The following PRKCB variants were observed in gnomAD, a reference collection of about 807,000 sequenced individuals.
PRKCB encodes protein kinase C beta, also known as protein kinase C beta type.
A neutral mutation model predicts 81.5 loss-of-function variants in PRKCB; 13 were observed. The observed-to-expected ratio is 0.16, with a 90% CI of 0.10 to 0.25. PRKCB has a LOEUF of 0.25. Among genes scored for constraint, PRKCB ranks in the 10% least tolerant of loss-of-function variants. The pLI, the probability that PRKCB is intolerant of heterozygous loss-of-function variation, is 1.00. For missense variants in PRKCB, 509 were observed against 875.7 expected, an observed-to-expected ratio of 0.58 and a Z score of 5.29; for synonymous variants, 335 against 321.4, an observed-to-expected ratio of 1.04 and a Z score of -0.45.
chr16:24,041,382 C>T lies in PRKCB; in HGVS notation c.529+5835C>T, dbSNP rs72779952. 3.0e-3 allele frequency among the ~76,000 whole-genome samples: 460 copies of T among 152,182 alleles called. 1 individual carries two copies. The highest frequency in any genetic ancestry group is 5.3e-3 in the Non-Finnish European group (358 of 67,998). On this transcript the variant is annotated intron_variant, in intron 5 of 16. Coordinates refer to ENST00000643927, the MANE Select transcript of PRKCB (RefSeq NM_002738.7). The stretch of plus-strand genomic sequence containing the variant: ...TATCTTATTCAATGCTTTTTCAATT[C>T]AGTATCTACCTATCAACATAACAAC...
chr16:24,164,915 G>T (rs1967319728), intron 10 of PRKCB, among the ~76,000 whole-genome samples: 1 of 152,212 alleles, frequency 6.6e-6, no homozygotes, highest in South Asian at 2.1e-4. Flanking sequence ...ATTTAAGGGT[G>T]CTATGGAGGG....
intron 3 of PRKCB, among the ~76,000 whole-genome samples, chr16:24,001,222 C>T (rs1965030329): frequency 1.3e-5 from 2 of 152,162 alleles, no homozygotes; most frequent in South Asian, 4.1e-4. Flanking sequence ...TACAAAAGGA[C>T]TCTTTGTCTG....
chr16:23,989,737 A>G (rs1224836343), intron 3 of PRKCB, among the ~76,000 whole-genome samples: 1 of 152,212 alleles, frequency 6.6e-6, no homozygotes, highest in Non-Finnish European at 1.5e-5. Flanking sequence ...AGTTTAGGGT[A>G]CATTGTTGAT....
At chr16:23,912,873 G>A (rs1191965409) in intron 2 of PRKCB, among the ~76,000 whole-genome samples, 3 of 150,508 alleles carry the variant, frequency 2.0e-5, no homozygotes, top group Non-Finnish European at 1.5e-5. Context: ...TGCCTAGGCT[G>A]GAGTGCAGTG....
chr16:24,015,809 T>TTGAA (rs1965270484), intron 3 of PRKCB, among the ~76,000 whole-genome samples: 1 of 152,188 alleles, frequency 6.6e-6, no homozygotes, highest in African/African-American at 2.4e-5. Flanking sequence ...CAACGAATAT[T>TTGAA]TGGTGACTAA....
intron 2 of PRKCB, among the ~76,000 whole-genome samples, chr16:23,929,234 C>T (rs192917228): frequency 2.6e-5 from 4 of 152,164 alleles, no homozygotes; most frequent in African/African-American, 7.2e-5. Flanking sequence ...GCAGAAAATA[C>T]GAGGAGGACT....
chr16:24,133,336 T>G (rs1396827498), intron 9 of PRKCB, among the ~76,000 whole-genome samples: 1 of 152,228 alleles, frequency 6.6e-6, no homozygotes, highest in Non-Finnish European at 1.5e-5. Flanking sequence ...GCTTATTGGC[T>G]ACCTGTCCAT....
intron 5 of PRKCB, among the ~76,000 whole-genome samples, chr16:24,046,469 C>A (rs1169843659): frequency 6.6e-6 from 1 of 152,186 alleles, no homozygotes; most frequent in Non-Finnish European, 1.5e-5. Flanking sequence ...AATAAAGCGG[C>A]ATGATGTGAT....
At chr16:24,183,848 T>C (rs1169591049) in intron 13 of PRKCB, among the ~76,000 whole-genome samples, 2 of 152,246 alleles carry the variant, frequency 1.3e-5, no homozygotes, top group Non-Finnish European at 2.9e-5. Flanking sequence ...TAGTTTTACA[T>C]CCCTGCATAC....
At chr16:23,972,025 A>G (rs1241549025) in intron 2 of PRKCB, among the ~76,000 whole-genome samples, 1 of 152,234 alleles carries the variant, frequency 6.6e-6, no homozygotes, top group Non-Finnish European at 1.5e-5. Flanking sequence ...TACTGTTAAA[A>G]AAACCCCAGA....
chr16:23,984,749 A>T (rs1177605596), intron 2 of PRKCB, among the ~76,000 whole-genome samples: 1 of 152,192 alleles, frequency 6.6e-6, no homozygotes, highest in African/African-American at 2.4e-5. Flanking sequence ...TCCAAGGAAA[A>T]TATAAATTCC....
chr16:24,110,432 C>T (rs376547812), intron 7 of PRKCB, among the ~76,000 whole-genome samples: 11 of 150,998 alleles, frequency 7.3e-5, no homozygotes, highest in African/African-American at 1.9e-4. Flanking sequence ...CAGGTTGTCT[C>T]GATCTCCTGA....
intron 2 of PRKCB, among the ~76,000 whole-genome samples, chr16:23,987,100 T>C (rs1964812758): frequency 6.6e-6 from 1 of 152,206 alleles, no homozygotes; most frequent in South Asian, 2.1e-4. Context: ...CTGTTGGTTT[T>C]TTTCCACTTA....
intron 15 of PRKCB, among the ~76,000 whole-genome samples, chr16:24,189,106 A>C (rs1270396991): frequency 6.6e-6 from 1 of 152,150 alleles, no homozygotes; most frequent in Non-Finnish European, 1.5e-5. Context: ...CCAGGCCACA[A>C]AAATTCCTGA....
chr16:23,946,450 G>A (rs889769615), intron 2 of PRKCB, among the ~76,000 whole-genome samples: 5 of 152,138 alleles, frequency 3.3e-5, no homozygotes, highest in South Asian at 2.1e-4. Flanking sequence ...TAGACCTAGC[G>A]GTAAAGGGTA....
chr16:23,886,534 T>A (rs974394882), intron 2 of PRKCB, among the ~76,000 whole-genome samples: 3 of 147,652 alleles, frequency 2.0e-5, no homozygotes, highest in Non-Finnish European at 3.0e-5. Flanking sequence ...TGCCTCAGCC[T>A]CCTGAGTAGC....
intron 3 of PRKCB, among the ~76,000 whole-genome samples, chr16:24,016,128 T>TC (rs915590516): frequency 2.0e-5 from 3 of 151,994 alleles, no homozygotes; most frequent in Non-Finnish European, 2.9e-5. Context: ...TTATCCTAGC[T>TC]CCCCCTAGGG....
Position 23,940,219 on chromosome 16 carries a change from GA to G in PRKCB, c.206-48287del, listed in dbSNP as rs1964122126. Among the ~76,000 whole-genome samples the G allele has an allele frequency of 2.0e-5, 3 of 152,166 alleles. No homozygotes were observed. The South Asian group carries it at 6.2e-4, about 32-fold the overall frequency. ...CCAAATTCTAGCAAGGGAGGCTGAG[GA>G]ACAACTAGATCACCCACACATGGTT... On this transcript the variant is annotated intron_variant, in intron 2 of 16. Coordinates refer to ENST00000643927, the MANE Select transcript of PRKCB (RefSeq NM_002738.7).
chr16:24,120,462 C>T (rs948905529), intron 8 of PRKCB, among the ~76,000 whole-genome samples: 3 of 152,180 alleles, frequency 2.0e-5, no homozygotes, highest in African/African-American at 7.2e-5. Context: ...TTTTAAGCTG[C>T]TGTGGGGAAG....
Sources: gnomAD v4.1 joint callset for allele counts (sites outside exome capture counted in the v4.1 genomes callset) on GRCh38, gnomAD v4.1.1 for gene constraint, MANE v1.5 for transcripts, NCBI Gene and HGNC (gene_info 2026-07-23, HGNC 2026-07-21) for gene names.